The following QKI variants were observed in gnomAD, a reference collection of about 807,000 sequenced individuals.
QKI encodes KH domain-containing RNA-binding protein QKI.
A neutral mutation model predicts 39.0 loss-of-function variants in QKI; 10 were observed. That is an observed-to-expected ratio of 0.26 (90% confidence interval 0.16 to 0.43). QKI has a LOEUF of 0.43. Ranked by LOEUF, QKI falls within the 20% of genes least tolerant of loss-of-function variation. QKI has a pLI of 1.00. For missense variants in QKI, 218 were observed against 428.0 expected, an observed-to-expected ratio of 0.51 and a Z score of 4.33; for synonymous variants, 204 against 155.4, an observed-to-expected ratio of 1.31 and a Z score of -2.33.
At chr6:163,431,761 T>C (rs1788847191) in intron 1 of QKI, among the ~76,000 whole-genome samples, 2 of 146,166 alleles carry the variant, frequency 1.4e-5, no homozygotes. Context: ...GGGTGGATAG[T>C]AGAATAGCAT....
intron 3 of QKI, among the ~76,000 whole-genome samples, chr6:163,520,751 C>G (rs999665493): frequency 1.6e-4 from 25 of 152,108 alleles, no homozygotes; most frequent in African/African-American, 5.1e-4. Context: ...GAAAATAATT[C>G]AGTATCTTCA....
chr6:163,566,956 T>G (rs951689123), intron 7 of QKI, 161 bp downstream of exon 7: 1 of 1,393,974 alleles, frequency 7.2e-7, no homozygotes, highest in Non-Finnish European at 9.3e-7. Context: ...AGGGTTGGGT[T>G]TTTTGTTTTG....
chr6:163,448,453 C>T (rs539319824), intron 1 of QKI, among the ~76,000 whole-genome samples: 3 of 150,404 alleles, frequency 2.0e-5, no homozygotes, highest in East Asian at 3.9e-4. Flanking sequence ...CTAGGCTAGG[C>T]GCAGTGGCTC....
chr6:163,465,189 A>G (rs1017796954), intron 2 of QKI, among the ~76,000 whole-genome samples: 1 of 152,218 alleles, frequency 6.6e-6, no homozygotes, highest in Non-Finnish European at 1.5e-5. Context: ...GCCACAACAT[A>G]ATAAAGGCTA....
intron 1 of QKI, among the ~76,000 whole-genome samples, chr6:163,420,910 A>C (rs1217988180): frequency 6.6e-6 from 1 of 152,156 alleles, no homozygotes; most frequent in East Asian, 1.9e-4. Context: ...TTAGCATTGG[A>C]ATATTATTAC....
At chr6:163,417,170 AAAT>A (rs1787587020) in intron 1 of QKI, among the ~76,000 whole-genome samples, 1 of 152,252 alleles carries the variant, frequency 6.6e-6, no homozygotes, top group East Asian at 1.9e-4. Context: ...TGACGTTTCA[AAAT>A]AACACTCTTA....
At chr6:163,562,892 C>G (rs966964346) in intron 5 of QKI, among the ~76,000 whole-genome samples, 1 of 152,090 alleles carries the variant, frequency 6.6e-6, no homozygotes, top group African/African-American at 2.4e-5. Flanking sequence ...AGAAGTAGGG[C>G]TTTTTAAGAT....
At chr6:163,458,588 T>G (rs73784406) in intron 2 of QKI, among the ~76,000 whole-genome samples, 2 of 152,346 alleles carry the variant, frequency 1.3e-5, no homozygotes, top group African/African-American at 4.8e-5. Context: ...AAGTCAGTGT[T>G]AAGTTAGAGA....
chr6:163,424,244 G>A (rs1025512015), intron 1 of QKI, among the ~76,000 whole-genome samples: 2 of 152,070 alleles, frequency 1.3e-5, no homozygotes, highest in East Asian at 1.9e-4. Context: ...CCCTGAAACC[G>A]CATCTAATTG....
chr6:163,444,647 G>A (rs1790009815), intron 1 of QKI, among the ~76,000 whole-genome samples: 1 of 152,084 alleles, frequency 6.6e-6, no homozygotes, highest in African/African-American at 2.4e-5. Context: ...TATTTATTTT[G>A]GAGAAGAGTA....
At chr6:163,566,426 A>G (rs1305341131) in intron 6 of QKI, 6 of 1,256,362 alleles carry the variant, frequency 4.8e-6, no homozygotes, top group Non-Finnish European at 6.0e-6. Flanking sequence ...TGTGACTAGT[A>G]AAGCTTAAAT....
intron 4 of QKI, among the ~76,000 whole-genome samples, chr6:163,551,647 C>T (rs1318490357): frequency 6.6e-6 from 1 of 152,246 alleles, no homozygotes; most frequent in Non-Finnish European, 1.5e-5. Context: ...AGGTAGTTTT[C>T]TACCGCTACT....
chr6:163,549,208 G>A (rs562940742), intron 4 of QKI, among the ~76,000 whole-genome samples: 1 of 151,060 alleles, frequency 6.6e-6, no homozygotes, highest in Non-Finnish European at 1.5e-5. Flanking sequence ...GAGAGGTTGA[G>A]GGGGGGGACA....
At chr6:163,451,873 C>T (rs755775257) in intron 1 of QKI, among the ~76,000 whole-genome samples, 1 of 152,134 alleles carries the variant, frequency 6.6e-6, no homozygotes, top group Non-Finnish European at 1.5e-5. Context: ...ATTTCCCAAA[C>T]CCGTACTCGT....
chr6:163,423,911 G>A (rs1007101382), intron 1 of QKI, among the ~76,000 whole-genome samples: 2 of 152,204 alleles, frequency 1.3e-5, no homozygotes, highest in Non-Finnish European at 2.9e-5. Flanking sequence ...ATGTATACTT[G>A]TATCAGTTTT....
At chr6:163,483,115 A>C (rs1044056576) in intron 3 of QKI, among the ~76,000 whole-genome samples, 1 of 152,248 alleles carries the variant, frequency 6.6e-6, no homozygotes, top group Non-Finnish European at 1.5e-5. Flanking sequence ...TATAAAAGTT[A>C]TGTTTATACC....
At chr6:163,519,001 C>G (rs1420007274) in intron 3 of QKI, among the ~76,000 whole-genome samples, 1 of 152,084 alleles carries the variant, frequency 6.6e-6, no homozygotes, top group Non-Finnish European at 1.5e-5. Context: ...TATTTATAGT[C>G]TTTTCTTTTT....
chr6:163,558,618 T>C (rs1202341688), intron 4 of QKI, among the ~76,000 whole-genome samples: 3 of 152,052 alleles, frequency 2.0e-5, no homozygotes, highest in Admixed American at 2.0e-4. Context: ...CAGGCTGGTC[T>C]CGAACTCCTA....
At chr6:163,479,668 C>T (rs1319280264) in intron 3 of QKI, among the ~76,000 whole-genome samples, 3 of 152,230 alleles carry the variant, frequency 2.0e-5, no homozygotes, top group Non-Finnish European at 4.4e-5. Flanking sequence ...CCACGCCTGG[C>T]GGTTTCCCCT....
Sources: allele counts gnomAD v4.1 joint callset (sites outside exome capture counted in the v4.1 genomes callset), GRCh38; gene constraint gnomAD v4.1.1; transcripts MANE v1.5; gene names NCBI Gene and HGNC (gene_info 2026-07-23, HGNC 2026-07-21).